DOP1A: variants seen among roughly 807,000 people sequenced by gnomAD.
DOP1A encodes the protein protein DOP1A.
A neutral mutation model predicts 267.6 loss-of-function variants in DOP1A; 90 were observed. The ratio of observed to expected loss-of-function variants is 0.34; its 90% CI spans 0.28 to 0.40. DOP1A has a LOEUF of 0.40. Among genes scored for constraint, DOP1A ranks in the 10% least tolerant of loss-of-function variants. DOP1A has a pLI of 1.00. For synonymous variants in DOP1A, 932 were observed against 999.1 expected (o/e 0.93, Z 1.27); for missense variants, 2,437 against 2,900.4 (o/e 0.84, Z 3.67).
At chr6:83,084,550 G>A (rs1486284420) in intron 1 of DOP1A, among the ~76,000 whole-genome samples, 4 of 151,946 alleles carry the variant, frequency 2.6e-5, no homozygotes, top group African/African-American at 9.7e-5. Flanking sequence ...TCGACGTCTG[G>A]GAGTATCATA....
chr6:83,082,599 T>C (rs1000289732), intron 1 of DOP1A, among the ~76,000 whole-genome samples: 1 of 152,160 alleles, frequency 6.6e-6, no homozygotes, highest in African/African-American at 2.4e-5. Flanking sequence ...TACAGCATAG[T>C]GGCTATGGTT....
intron 11 of DOP1A, 68 bp downstream of exon 11, chr6:83,122,118 T>A: frequency 1.9e-6 from 3 of 1,546,444 alleles, no homozygotes; most frequent in Non-Finnish European, 2.6e-6. Context: ...AAACTTGAAG[T>A]GTAATAACTT....
intron 6 of DOP1A, 89 bp downstream of exon 6, chr6:83,110,403 A>G (rs151129971): frequency 0.019 from 24,014 of 1,257,308 alleles, 328 homozygotes; most frequent in Admixed American, 0.061. Flanking sequence ...TGTATAATGA[A>G]CAAAGTTCCT....
At position 83,129,297 on chromosome 6, in the gene DOP1A, T is replaced by A; in HGVS notation, c.2130T>A (p.Asp710Glu). The change falls in exon 16 of 39, where the codon GAT becomes GAA. Residue 710 changes from aspartate (D) to glutamate (E), a missense_variant. Transcript: ENST00000349129. ...CTTTGGCTACAGAACATCAAGGGGA[T>A]CTTGGTCGAGAACAAGGAGAGACTT... is the stretch of plus-strand genomic sequence containing the variant. ...SQSLATEHQG[D>E]LGREQGETSK... The A allele has an allele frequency of 6.2e-7, 1 of 1,609,012 alleles. No individual in the cohort carries two copies. Among genetic ancestry groups the A allele is most frequent in the Non-Finnish European group, 8.5e-7 (1 of 1,178,170 alleles).
intron 37 of DOP1A, 123 bp downstream of exon 37, chr6:83,160,083 TG>T: frequency 1.1e-6 from 1 of 943,600 alleles, no homozygotes; most frequent in Non-Finnish European, 1.6e-6. Flanking sequence ...TTTACTAAAA[TG>T]TAATTCTTTT....
At position 83,128,878 on chromosome 6, in the gene DOP1A, C is replaced by T. The variant is rs1777606401; in HGVS notation, c.1720-9C>T. 6 of 1,514,104 alleles carry T rather than the reference C, an allele frequency of 4.0e-6. No homozygotes were observed. The highest frequency in any genetic ancestry group is 5.3e-6 in the Non-Finnish European group (6 of 1,133,264). 93.8% of individuals were successfully genotyped at this position (1,514,104 alleles called of 1,614,324 possible). A position where few individuals can be genotyped will look rare whatever the true frequency, so the allele number is the denominator to read the frequency against. On this transcript the variant is annotated splice_polypyrimidine_tract_variant and intron_variant, in intron 15 of 38. Coordinates refer to ENST00000349129, the MANE Select transcript of DOP1A (RefSeq NM_015018.4). ...CTCAGCCTTTTGTTTTCTTAAAAAT[C>T]TCTAACAGGTATCATCAGTTTCTCA...
intron 4 of DOP1A, 64 bp downstream of exon 4, chr6:83,100,950 A>T (rs1772457103): frequency 9.0e-7 from 1 of 1,111,986 alleles, no homozygotes; most frequent in Non-Finnish European, 1.2e-6. Flanking sequence ...AAACTATTTT[A>T]TACTTTCTGC....
At chr6:83,156,266 C>G (rs549411974) in intron 34 of DOP1A, among the ~76,000 whole-genome samples, 163 bp downstream of exon 34, 2 of 152,104 alleles carry the variant, frequency 1.3e-5, no homozygotes, top group African/African-American at 4.8e-5. Flanking sequence ...ATGCTGGCAT[C>G]TAAAAGAAAT....
At chr6:83,163,871 G>T (rs1388416257) in intron 38 of DOP1A, among the ~76,000 whole-genome samples, 1 of 151,878 alleles carries the variant, frequency 6.6e-6, no homozygotes, top group African/African-American at 2.4e-5. Context: ...CCATTAAAAA[G>T]TGTAGGAAAA....
chr6:83,121,332 A>AT (rs1019887632), intron 10 of DOP1A, among the ~76,000 whole-genome samples: 4 of 151,766 alleles, frequency 2.6e-5, no homozygotes, highest in African/African-American at 9.7e-5. Flanking sequence ...TCTTCTCACC[A>AT]TTTTTTAAAC....
At chr6:83,142,140 G>A (rs1779750815) in intron 24 of DOP1A, 94 bp downstream of exon 24, 1 of 1,437,906 alleles carries the variant, frequency 7.0e-7, no homozygotes, top group Non-Finnish European at 9.4e-7. Context: ...GGCCGGGGTA[G>A]ATTCGAGTGT....
chr6:83,093,200 C>T (rs1770792413), intron 1 of DOP1A, among the ~76,000 whole-genome samples: 2 of 152,198 alleles, frequency 1.3e-5, no homozygotes, highest in African/African-American at 4.8e-5. Flanking sequence ...CTAGTCAGCA[C>T]CCAAACATAG....
chr6:83,068,002 TGGGGCCGGGGCCTGGGCC>T (rs1463324653), intron 1 of DOP1A, among the ~76,000 whole-genome samples: 1 of 151,966 alleles, frequency 6.6e-6, no homozygotes, highest in Non-Finnish European at 1.5e-5. Context: ...GGGCCAGGGC[TGGGGCCGGGGCCTGGGCC>T]GGGCAGAGGC....
At chr6:83,073,936 T>C (rs189819513) in intron 1 of DOP1A, among the ~76,000 whole-genome samples, 125 of 152,348 alleles carry the variant, frequency 8.2e-4, no homozygotes, top group African/African-American at 2.5e-3. Flanking sequence ...GTGTCTGTTA[T>C]GGCCTTTTAC....
intron 38 of DOP1A, among the ~76,000 whole-genome samples, chr6:83,163,875 A>G (rs1430771191): frequency 6.6e-6 from 1 of 152,064 alleles, no homozygotes; most frequent in Non-Finnish European, 1.5e-5. Context: ...TAAAAAGTGT[A>G]GGAAAATAAA....
intron 30 of DOP1A, 31 bp downstream of exon 30, chr6:83,152,398 C>G (rs1002486256): frequency 9.9e-7 from 1 of 1,008,406 alleles, no homozygotes; most frequent in African/African-American, 1.7e-5. Context: ...CATGAACTCT[C>G]AAGTAGACTG....
Position 83,125,609 on chromosome 6 carries a change from C to G in DOP1A, c.1595C>G (p.Ser532Cys). The change falls in exon 15 of 39, where the codon TCT (serine) becomes TGT (cysteine). Residue 532 changes from serine (S) to cysteine (C), a missense_variant. By Grantham distance (112) the Ser-to-Cys change is moderately radical. Transcript: ENST00000349129. The part of the protein sequence containing the change: ...QTLHLSELTD[S>C]LRLCSKILSK... ...TTGCACTTATCTGAACTCACAGATT[C>G]TCTCAGACTCTGCTCAAAGATCCTT... 6.2e-7 allele frequency: 1 copy of G among 1,613,882 alleles called. No homozygotes were observed. The highest frequency in any genetic ancestry group is 8.5e-7 in the Non-Finnish European group (1 of 1,179,826).
chr6:83,080,491 G>A (rs1302826194), intron 1 of DOP1A, among the ~76,000 whole-genome samples: 1 of 152,142 alleles, frequency 6.6e-6, no homozygotes, highest in East Asian at 1.9e-4. Context: ...GAAAAAACCT[G>A]TCTTTAGTAG....
At chr6:83,142,439 C>T (rs1304113948) in intron 24 of DOP1A, among the ~76,000 whole-genome samples, 6 of 151,866 alleles carry the variant, frequency 4.0e-5, no homozygotes, top group Non-Finnish European at 1.5e-5. Context: ...ACCTGGGAGG[C>T]GGAGGTTGTG....
Sources: allele counts gnomAD v4.1 joint callset (sites outside exome capture counted in the v4.1 genomes callset), GRCh38; gene constraint gnomAD v4.1.1; transcripts MANE v1.5; gene names NCBI Gene and HGNC (gene_info 2026-07-23, HGNC 2026-07-21).